Variants in HIVEP1 observed in about 807,000 individuals in gnomAD.
The protein encoded by HIVEP1 is HIVEP zinc finger 1.
In HIVEP1, 36 loss-of-function variants were observed where a neutral mutation model predicts 180.0. The observed-to-expected ratio is 0.20, with a 90% CI of 0.15 to 0.26. The LOEUF (loss-of-function observed/expected upper bound fraction) is 0.26, where lower values mean the gene tolerates loss of function less well. Ranked by LOEUF, HIVEP1 falls within the 10% of genes least tolerant of loss-of-function variation. The pLI is 1.00. For synonymous variants in HIVEP1, 1,239 were observed against 1,239.0 expected, an observed-to-expected ratio of 1.00 and a Z score of 0.00; for missense variants, 3,143 against 3,268.7, an observed-to-expected ratio of 0.96 and a Z score of 0.94.
intron 3 of HIVEP1, among the ~76,000 whole-genome samples, chr6:12,092,242 C>G (rs553151547): frequency 6.6e-6 from 1 of 152,208 alleles, no homozygotes; most frequent in African/African-American, 2.4e-5. Flanking sequence ...TTTTAAAAAA[C>G]AATTATGTCA....
chr6:12,018,325 G>C (rs1169685687), intron 2 of HIVEP1, among the ~76,000 whole-genome samples: 1 of 152,214 alleles, frequency 6.6e-6, no homozygotes, highest in African/African-American at 2.4e-5. Flanking sequence ...ATCCCAGGAA[G>C]GGGATCCCAC....
intron 2 of HIVEP1, among the ~76,000 whole-genome samples, chr6:12,074,134 C>T (rs971570141): frequency 1.3e-5 from 2 of 152,168 alleles, no homozygotes; most frequent in Non-Finnish European, 2.9e-5. Flanking sequence ...ATTTTCATCT[C>T]CACTAAAGCT....
intron 6 of HIVEP1, among the ~76,000 whole-genome samples, chr6:12,131,296 C>G (rs1163440522): frequency 6.6e-6 from 1 of 151,840 alleles, no homozygotes; most frequent in Non-Finnish European, 1.5e-5. Context: ...TTTTCATGAT[C>G]ACAAGTAAAT....
In HIVEP1 at chr6:12,089,163, A is replaced by T. The variant is rs779050520; in HGVS notation, c.41-21A>T. On this transcript the variant is annotated intron_variant, in intron 2 of 8. Transcript: ENST00000379388. The stretch of plus-strand genomic sequence containing the variant: ...TTGTTTAAGGTAAATTAATTTATAA[A>T]TTTTTCTCTGTTTTTCTTAGACAAA... The T allele has an allele frequency of 8.7e-6, 12 of 1,378,894 alleles. No individual in the cohort carries two copies. The Admixed American group carries it at 2.1e-4, about 24-fold the overall frequency. The allele number at this position is 1,378,894 out of a possible 1,614,324, so 85.4% of individuals were successfully genotyped here.
At position 12,041,747 on chromosome 6, in the gene HIVEP1, T is replaced by C. The variant is rs569412167; in HGVS notation, c.40+26079T>C. Among the ~76,000 whole-genome samples the C allele has an allele frequency of 1.7e-3, 259 of 152,198 alleles. 1 individual carries two copies. The highest frequency in any genetic ancestry group is 5.8e-3 in the African/African-American group (241 of 41,540). ...TGCTTGATCTTGGCTCACTGCAACCTCCGCCTCCCAGGTTCAAGCAATTCT... is the reference window on the plus strand; with the variant it reads ...TGCTTGATCTTGGCTCACTGCAACCCCCGCCTCCCAGGTTCAAGCAATTCT... On this transcript the variant is annotated intron_variant, in intron 2 of 8. Coordinates refer to ENST00000379388, the MANE Select transcript of HIVEP1 (RefSeq NM_002114.4).
At chr6:12,193,726 A>G in the HIVEP1 span, among the ~76,000 whole-genome samples, 3 of 152,218 alleles carry the variant, frequency 2.0e-5, no homozygotes, top group Non-Finnish European at 2.9e-5. Context: ...AGAGATGTTT[A>G]GTGACCCCCT....
chr6:12,073,541 T>G (rs1772127914), intron 2 of HIVEP1, among the ~76,000 whole-genome samples: 1 of 152,198 alleles, frequency 6.6e-6, no homozygotes, highest in African/African-American at 2.4e-5. Flanking sequence ...CCTAGGGGAC[T>G]GGCCGTTGCC....
At chr6:12,110,846 C>A (rs993840369) in intron 3 of HIVEP1, among the ~76,000 whole-genome samples, 5 of 152,230 alleles carry the variant, frequency 3.3e-5, no homozygotes, top group African/African-American at 9.6e-5. Flanking sequence ...GCTTTCAACA[C>A]GCCTTCTTCA....
At chr6:12,189,951 G>C in the HIVEP1 span, among the ~76,000 whole-genome samples, 2 of 152,096 alleles carry the variant, frequency 1.3e-5, no homozygotes, top group Admixed American at 1.3e-4. Flanking sequence ...AAATAGTAAG[G>C]CTACTTACAT....
chr6:12,061,040 C>G (rs919197986), intron 2 of HIVEP1, among the ~76,000 whole-genome samples: 2 of 152,054 alleles, frequency 1.3e-5, no homozygotes, highest in Non-Finnish European at 2.9e-5. Context: ...CTAGATGTGA[C>G]GTGAAGGGGC....
chr6:12,129,721 A>C (rs1220261504), intron 4 of HIVEP1, 38 bp from the exon 5 acceptor site: 2 of 1,517,082 alleles, frequency 1.3e-6, no homozygotes, highest in Admixed American at 3.4e-5. Context: ...TTGTGTTTTC[A>C]GTTTTATTAA....
the HIVEP1 span, among the ~76,000 whole-genome samples, chr6:12,184,718 C>T: frequency 6.6e-5 from 10 of 152,274 alleles, no homozygotes; most frequent in South Asian, 1.7e-3. Context: ...CGAAAAAAAT[C>T]ACTTCATATC....
At chr6:12,019,492 C>T (rs1012740823) in intron 2 of HIVEP1, among the ~76,000 whole-genome samples, 5 of 152,152 alleles carry the variant, frequency 3.3e-5, no homozygotes, top group African/African-American at 7.2e-5. Context: ...ATCTCTAATG[C>T]GATGAGATAA....
chr6:12,106,775 T>C (rs991538884), intron 3 of HIVEP1, among the ~76,000 whole-genome samples: 3 of 152,248 alleles, frequency 2.0e-5, no homozygotes, highest in African/African-American at 7.2e-5. Flanking sequence ...GCAGGAATCC[T>C]CTTATTATCC....
At chr6:12,100,362 T>G (rs1007805248) in intron 3 of HIVEP1, among the ~76,000 whole-genome samples, 2 of 152,226 alleles carry the variant, frequency 1.3e-5, no homozygotes, top group Non-Finnish European at 2.9e-5. Context: ...ATGGATGATT[T>G]CAACCTACCG....
At position 12,129,812 on chromosome 6, in the gene HIVEP1, C is replaced by T; in HGVS notation, c.6129C>T (p.Ala2043=). The change falls in exon 5 of 9, where the codon GCC becomes GCT. Residue 2043 remains alanine, a synonymous_variant. Transcript: ENST00000379388. The part of the protein sequence containing the change: ...STVVEFSNKD[A]SEINSEQDKE... Reference sequence around the variant, plus strand: ...TAGTTGAATTCAGCAATAAAGATGCCTCTGAAATTAACAGTGAGCAAGATA... The same window carrying T: ...TAGTTGAATTCAGCAATAAAGATGCTTCTGAAATTAACAGTGAGCAAGATA... The T allele has an allele frequency of 6.3e-7, 1 of 1,593,460 alleles. No homozygotes were observed. Among genetic ancestry groups the T allele is most frequent in the Non-Finnish European group, 8.6e-7 (1 of 1,161,528 alleles).
At chr6:12,065,337 C>T (rs1215618017) in intron 2 of HIVEP1, among the ~76,000 whole-genome samples, 2 of 152,174 alleles carry the variant, frequency 1.3e-5, no homozygotes, top group Non-Finnish European at 2.9e-5. Flanking sequence ...CACACACATA[C>T]ATTTAACACA....
chr6:12,210,893 ATT>A, the HIVEP1 span, among the ~76,000 whole-genome samples: 52,809 of 151,408 alleles, frequency 0.35, 11,131 homozygotes, highest in South Asian at 0.48. Flanking sequence ...AAAAAAAATC[ATT>A]TTTTTTTTCT....
At chr6:12,020,892 T>TTC (rs1367988551) in intron 2 of HIVEP1, among the ~76,000 whole-genome samples, 6 of 133,122 alleles carry the variant, frequency 4.5e-5, no homozygotes, top group African/African-American at 1.1e-4. Context: ...CTTTCTTTCT[T>TTC]TTTTTTTTTT....
Sources: allele counts gnomAD v4.1 joint callset (sites outside exome capture counted in the v4.1 genomes callset), GRCh38; gene constraint gnomAD v4.1.1; transcripts MANE v1.5; gene names NCBI Gene and HGNC (gene_info 2026-07-23, HGNC 2026-07-21).